Variants in ACOX3 observed in about 807,000 individuals in gnomAD.
ACOX3 encodes acyl-CoA oxidase 3, pristanoyl.
In ACOX3, 73 loss-of-function variants were observed where a neutral mutation model predicts 81.5. The ratio of observed to expected loss-of-function variants is 0.90; its 90% CI spans 0.74 to 1.09. ACOX3 has a LOEUF of 1.09. ACOX3 is among the 50% of genes least tolerant of loss of function. The probability of loss-of-function intolerance (pLI) is 0.00; values close to 1 mark genes in which losing one functional copy is unlikely to be tolerated. For synonymous variants in ACOX3, 387 were observed against 375.1 expected, an observed-to-expected ratio of 1.03 and a Z score of -0.37; for missense variants, 947 against 928.0, an observed-to-expected ratio of 1.02 and a Z score of -0.27.
At position 8,368,235 on chromosome 4, in the gene ACOX3, G is replaced by A. The variant is rs1715716212; in HGVS notation, c.1984-1155C>T. Among the ~76,000 whole-genome samples, 2 of 152,226 alleles carry A rather than the reference G, an allele frequency of 1.3e-5. No homozygotes were observed. Among genetic ancestry groups the A allele is most frequent in the African/African-American group, 4.8e-5 (2 of 41,464 alleles). ...CCCTGCTCCTCTGGTCCTGCCCCGG[G>A]CCAGCACTCCCCTACGGGAGGTGCA... On this transcript the variant is annotated intron_variant, in intron 17 of 17. Coordinates refer to ENST00000356406, the MANE Select transcript of ACOX3 (RefSeq NM_003501.3). This position sits in a 1 kb window ranked among gnomAD's most constrained non-coding sequence, Gnocchi z 5.9.
chr4:8,377,424 G>GC (rs1717108334), intron 14 of ACOX3, among the ~76,000 whole-genome samples: 1 of 152,128 alleles, frequency 6.6e-6, no homozygotes, highest in African/African-American at 2.4e-5. Flanking sequence ...ATAATGCATC[G>GC]CGAGTGCCAG....
At chr4:8,379,951 A>G (rs902206668) in intron 14 of ACOX3, among the ~76,000 whole-genome samples, 3 of 151,928 alleles carry the variant, frequency 2.0e-5, no homozygotes, top group African/African-American at 7.3e-5. Context: ...GCAGCAGCCT[A>G]TTCCACCTTA....
intron 1 of ACOX3, among the ~76,000 whole-genome samples, chr4:8,428,116 C>T (rs977186157): frequency 2.0e-5 from 3 of 152,244 alleles, no homozygotes; most frequent in African/African-American, 7.2e-5. Context: ...TGAACAGCTG[C>T]CTAGTTCAAT....
At chr4:8,439,297 A>G (rs1380561291) in intron 1 of ACOX3, 1 of 152,234 alleles carries the variant, frequency 6.6e-6, no homozygotes, top group African/African-American at 2.4e-5. Flanking sequence ...AACAATTCCG[A>G]GTCTTTAAGT....
chr4:8,423,850 C>G lies in ACOX3; in HGVS notation c.-14-7315G>C, dbSNP rs993623114. On this transcript the variant is annotated intron_variant, in intron 1 of 17. Transcript: ENST00000356406. This position sits in a 1 kb window ranked among gnomAD's most constrained non-coding sequence, Gnocchi z 4.2. ...TTTACCCCAAGGGTTCATGGACAGC[C>G]CCCATCTATTTGGCCAGGCATTAGC... 6.6e-6 allele frequency among the ~76,000 whole-genome samples: 1 copy of G among 152,226 alleles called. No individual in the cohort carries two copies. Among genetic ancestry groups the G allele is most frequent in the African/African-American group, 2.4e-5 (1 of 41,454 alleles).
downstream of ACOX3, among the ~76,000 whole-genome samples, chr4:8,365,836 AT>A (rs1164728379): frequency 1.3e-5 from 2 of 152,224 alleles, no homozygotes; most frequent in Non-Finnish European, 2.9e-5. Flanking sequence ...TTTTAAAAAC[AT>A]TCTGGACCAT....
intron 13 of ACOX3, among the ~76,000 whole-genome samples, chr4:8,388,919 A>G (rs1568692): frequency 0.39 from 59,744 of 152,008 alleles, 14,441 homozygotes; most frequent in African/African-American, 0.69. Context: ...TATGGGAGGG[A>G]AAGGCAAGAG....
At chr4:8,418,021 C>A (rs1165015777) in intron 1 of ACOX3, among the ~76,000 whole-genome samples, 1 of 152,214 alleles carries the variant, frequency 6.6e-6, no homozygotes, top group Non-Finnish European at 1.5e-5. Context: ...TCTATAATGA[C>A]TGAAGAGATT....
chr4:8,409,383 G>A (rs974247327), intron 6 of ACOX3, among the ~76,000 whole-genome samples: 2 of 139,914 alleles, frequency 1.4e-5, no homozygotes, highest in South Asian at 2.5e-4. Context: ...TGTCTGCACC[G>A]TGGGAGGGGC....
chr4:8,362,941 T>C (rs1715265448), downstream of ACOX3, among the ~76,000 whole-genome samples: 1 of 152,230 alleles, frequency 6.6e-6, no homozygotes, highest in Non-Finnish European at 1.5e-5. Flanking sequence ...TATAATAAAA[T>C]CAGTCTTACC....
chr4:8,414,349 G>A lies in ACOX3; in HGVS notation c.486C>T (p.Ser162=), dbSNP rs1402374928. The A allele has an allele frequency of 6.2e-7, 1 of 1,614,178 alleles. No individual in the cohort carries two copies. ...IFGCFALTEL[S]HGSNTKAIRT... ...GAATGGCCTTGGTATTACTGCCGTGGCTTAATTCGGTCAGAGCAAAACATC... is the reference window on the plus strand; with the variant it reads ...GAATGGCCTTGGTATTACTGCCGTGACTTAATTCGGTCAGAGCAAAACATC... The change falls in exon 5 of 18, where the codon AGC becomes AGT. Residue 162 remains serine (S), a synonymous_variant. Transcript: ENST00000356406. The surrounding 1 kb of genome is among the most constrained non-coding windows in gnomAD (Gnocchi z 6.1).
In ACOX3 at chr4:8,418,505, C is replaced by CA. The variant is rs764103438; in HGVS notation, c.-14-1971dup. On this transcript the variant is annotated intron_variant, in intron 1 of 17. Coordinates refer to ENST00000356406, the MANE Select transcript of ACOX3 (RefSeq NM_003501.3). ...TTCTTAAGACTCAATAATAAAATGA[C>CA]AAAAAACCAATTAAAAAATGGGCAA... Among the ~76,000 whole-genome samples, 4 of 142,854 alleles carry CA rather than the reference C, an allele frequency of 2.8e-5. No homozygotes were observed. The East Asian group carries it at 6.0e-4, about 21-fold the overall frequency. 93.7% of individuals were successfully genotyped at this position (142,854 alleles called of 152,430 possible).
rs934260016 is a variant in ACOX3, at chr4:8,394,069, A to T, written c.1179+551T>A. Among the ~76,000 whole-genome samples, 1 of 152,210 alleles carries T rather than the reference A, an allele frequency of 6.6e-6. No homozygotes were observed. The highest frequency in any genetic ancestry group is 1.5e-5 in the Non-Finnish European group (1 of 68,042). ...CTGTGGCGTTTCTCCTCTGCTTTCA[A>T]ACACGGTTATTTCTTTTGATTCACA... On this transcript the variant is annotated intron_variant, in intron 10 of 17. Coordinates refer to ENST00000356406, the MANE Select transcript of ACOX3 (RefSeq NM_003501.3). The surrounding 1 kb of genome is among the most constrained non-coding windows in gnomAD (Gnocchi z 5.9).
At chr4:8,422,649 T>G (rs1057041797) in intron 1 of ACOX3, among the ~76,000 whole-genome samples, 1 of 152,210 alleles carries the variant, frequency 6.6e-6, no homozygotes, top group Non-Finnish European at 1.5e-5. Flanking sequence ...GTTGTAGGCA[T>G]AGCTCCAGTT....
chr4:8,374,835 G>A (rs1336175539), intron 15 of ACOX3, 143 bp downstream of exon 15: 1 of 894,658 alleles, frequency 1.1e-6, no homozygotes, highest in African/African-American at 1.7e-5. Flanking sequence ...ATGGAACTGG[G>A]CTTCTCATCT....
chr4:8,373,577 A>G lies in ACOX3; in HGVS notation c.1880T>C (p.Leu627Pro). 6.2e-7 allele frequency: 1 copy of G among 1,613,908 alleles called. No homozygotes were observed. Among genetic ancestry groups the G allele is most frequent in the Non-Finnish European group, 8.5e-7 (1 of 1,179,950 alleles). The change falls in exon 16 of 18, where the codon CTG becomes CCG. Residue 627 changes from leucine to proline, a missense_variant. Physicochemically the swap from Leu to Pro is moderately conservative, Grantham distance 98. Transcript: ENST00000356406. The part of the protein sequence containing the change: ...QAGEVLESAV[L>P]ALCSQLKDDA... ...ACGGCTCACCTGGGAACACAAAGCCAGGACGGCGCTCTCCAACACTTCTCC... is the reference window on the plus strand; with the variant it reads ...ACGGCTCACCTGGGAACACAAAGCCGGGACGGCGCTCTCCAACACTTCTCC...
chr4:8,416,529 T>C lies in ACOX3; in HGVS notation c.-8A>G. On this transcript the variant is annotated 5_prime_UTR_variant, in exon 2 of 18. Coordinates refer to ENST00000356406, the MANE Select transcript of ACOX3 (RefSeq NM_003501.3). The surrounding 1 kb of genome is among the most constrained non-coding windows in gnomAD (Gnocchi z 4.2). Reference sequence around the variant, plus strand: ...TTCCACAGTGGATGCCATCGCGTGATAAGAGCCTGCACAAAACATGCAACC... The same window carrying C: ...TTCCACAGTGGATGCCATCGCGTGACAAGAGCCTGCACAAAACATGCAACC... 6.3e-7 allele frequency: 1 copy of C among 1,595,562 alleles called. No individual in the cohort carries two copies. Among genetic ancestry groups the C allele is most frequent in the Non-Finnish European group, 8.5e-7 (1 of 1,170,412 alleles).
At position 8,368,537 on chromosome 4, in the gene ACOX3, G is replaced by C. The variant is rs747497554; in HGVS notation, c.1984-1457C>G. Reference sequence around the variant, plus strand: ...CCTCCTCCCCACTCTGCTACTCTGGGCTCCACAGACACAGACCCAGGCTGC... The same window carrying C: ...CCTCCTCCCCACTCTGCTACTCTGGCCTCCACAGACACAGACCCAGGCTGC... On this transcript the variant is annotated intron_variant, in intron 17 of 17. Transcript: ENST00000356406. The surrounding 1 kb of genome is among the most constrained non-coding windows in gnomAD (Gnocchi z 5.9). 6.6e-6 allele frequency among the ~76,000 whole-genome samples: 1 copy of C among 152,172 alleles called. No homozygotes were observed. Among genetic ancestry groups the C allele is most frequent in the African/African-American group, 2.4e-5 (1 of 41,436 alleles).
chr4:8,419,000 GAT>G (rs1722636618), intron 1 of ACOX3, among the ~76,000 whole-genome samples: 1 of 151,236 alleles, frequency 6.6e-6, no homozygotes, highest in African/African-American at 2.4e-5. Flanking sequence ...TGAGCAAAAA[GAT>G]ACTAAAATAC....
Sources: allele counts gnomAD v4.1 joint callset (sites outside exome capture counted in the v4.1 genomes callset), GRCh38; gene constraint gnomAD v4.1.1; non-coding constraint Gnocchi (gnomAD v3.1); transcripts MANE v1.5; gene names NCBI Gene and HGNC (gene_info 2026-07-23, HGNC 2026-07-21).